Variants in LTBP1 observed in about 807,000 individuals in gnomAD.
The protein encoded by LTBP1 is latent transforming growth factor beta binding protein 1, also known as latent-transforming growth factor beta-binding protein 1.
A neutral mutation model predicts 207.6 loss-of-function variants in LTBP1; 129 were observed. The ratio of observed to expected loss-of-function variants is 0.62; its 90% CI spans 0.54 to 0.72. The LOEUF (loss-of-function observed/expected upper bound fraction) is 0.72. Among genes scored for constraint, LTBP1 ranks in the 30% least tolerant of loss-of-function variants. LTBP1 has a pLI of 0.00. For synonymous variants in LTBP1, 963 were observed against 833.7 expected (o/e 1.16, Z -2.67); for missense variants, 2,281 against 2,217.2 (o/e 1.03, Z -0.58).
intron 2 of LTBP1, among the ~76,000 whole-genome samples, chr2:32,983,154 A>G (rs777369860): frequency 3.2e-4 from 48 of 151,574 alleles, no homozygotes; most frequent in Admixed American, 1.4e-3. Flanking sequence ...CATCTCTTGT[A>G]TCAGTGTGAC....
intron 2 of LTBP1, among the ~76,000 whole-genome samples, chr2:32,988,616 T>C (rs534784507): frequency 4.6e-5 from 7 of 152,240 alleles, no homozygotes; most frequent in Non-Finnish European, 1.0e-4. Context: ...TCACACCTCA[T>C]GGAAATTGTT....
At chr2:33,084,919 C>T (rs2078662779) in intron 3 of LTBP1, among the ~76,000 whole-genome samples, 1 of 152,106 alleles carries the variant, frequency 6.6e-6, no homozygotes, top group South Asian at 2.1e-4. Context: ...TAACCCTCAT[C>T]CCCCAAAAAG....
intron 9 of LTBP1, among the ~76,000 whole-genome samples, chr2:33,224,095 G>A (rs1441238770): frequency 6.6e-6 from 1 of 152,138 alleles, no homozygotes; most frequent in Non-Finnish European, 1.5e-5. Flanking sequence ...GTGCCTATGG[G>A]CCATCTAACC....
At chr2:33,327,939 C>T (rs935093202) in intron 24 of LTBP1, among the ~76,000 whole-genome samples, 1 of 151,732 alleles carries the variant, frequency 6.6e-6, no homozygotes, top group Non-Finnish European at 1.5e-5. Flanking sequence ...AGTTCGAGAC[C>T]ACCCTGACCA....
chr2:32,949,637 G>C (rs1452469502), intron 2 of LTBP1, among the ~76,000 whole-genome samples: 1 of 152,228 alleles, frequency 6.6e-6, no homozygotes, highest in East Asian at 1.9e-4. Flanking sequence ...GGTTCTTCTT[G>C]ACGAATTGAT....
At chr2:33,159,940 G>A (rs2084312894) in intron 5 of LTBP1, among the ~76,000 whole-genome samples, 1 of 152,078 alleles carries the variant, frequency 6.6e-6, no homozygotes, top group Admixed American at 6.6e-5. Flanking sequence ...GGAGTGCAGT[G>A]GCGCAATCTC....
At chr2:33,192,897 A>G (rs1279020374) in intron 7 of LTBP1, among the ~76,000 whole-genome samples, 1 of 152,180 alleles carries the variant, frequency 6.6e-6, no homozygotes, top group Admixed American at 6.5e-5. Context: ...TTTTATAACA[A>G]GTCCACTCTG....
intron 16 of LTBP1, among the ~76,000 whole-genome samples, chr2:33,274,675 C>G (rs1014612823): frequency 1.6e-4 from 25 of 152,182 alleles, no homozygotes; most frequent in Non-Finnish European, 2.8e-4. Flanking sequence ...TTGGATGTCT[C>G]TCGTTATCAG....
At position 32,948,881 on chromosome 2, in the gene LTBP1, T is replaced by C. The variant is rs1169052086; in HGVS notation, c.501T>C (p.Asn167=). The C allele has an allele frequency of 9.3e-6, 15 of 1,614,164 alleles. No homozygotes were observed. Among genetic ancestry groups the C allele is most frequent in the Admixed American group, 1.7e-5 (1 of 60,024 alleles). ...CGATCTTGCTTTGTTTCAGGGTCAA[T>C]GTCTGTGGAGGGCGGTGCTGTCATG... ...VHQKQQLQGV[N]VCGGRCCHGW... Residue 167 remains asparagine (N), a synonymous_variant, in exon 2 of 34, where the codon AAT becomes AAC. Transcript: ENST00000404816.
chr2:33,188,975 G>C, intron 7 of LTBP1, 124 bp downstream of exon 7: 2 of 1,152,354 alleles, frequency 1.7e-6, no homozygotes, highest in Non-Finnish European at 2.4e-6. Context: ...ATGACTTGTG[G>C]CCATATTTTT....
intron 2 of LTBP1, among the ~76,000 whole-genome samples, chr2:32,975,676 A>T (rs1220933789): frequency 7.7e-6 from 1 of 130,360 alleles, no homozygotes; most frequent in Non-Finnish European, 1.5e-5. Context: ...TTCTTTCCTC[A>T]GCTTGGTTAA....
intron 24 of LTBP1, among the ~76,000 whole-genome samples, chr2:33,337,842 T>C (rs2094570709): frequency 6.6e-6 from 1 of 152,244 alleles, no homozygotes; most frequent in Non-Finnish European, 1.5e-5. Flanking sequence ...TGACTTTCAC[T>C]TGTTCGTTTA....
intron 9 of LTBP1, among the ~76,000 whole-genome samples, chr2:33,227,300 C>T (rs138528872): frequency 2.4e-4 from 37 of 152,218 alleles, no homozygotes; most frequent in African/African-American, 8.2e-4. Context: ...GTGCTGGGAT[C>T]ACAGGTGTGA....
rs1378662992 is a variant in LTBP1, at chr2:33,293,197, T to G, written c.3150T>G (p.Asn1050Lys). The change falls in exon 20 of 34, where the codon AAT becomes AAG. Residue 1050 changes from asparagine (N) to lysine (K), a missense_variant. Asn to Lys is a moderately conservative substitution (Grantham distance 94). Transcript: ENST00000404816. Reference sequence around the variant, plus strand: ...GCCTGGAACCAAACGTCTGCGCAAATGGTGATTGTTCCAACCTTGAAGGCT... The same window carrying G: ...GCCTGGAACCAAACGTCTGCGCAAAGGGTGATTGTTCCAACCTTGAAGGCT... ...DECLEPNVCA[N>K]GDCSNLEGSY... 2 of 1,613,996 alleles carry G rather than the reference T, an allele frequency of 1.2e-6. No homozygotes were observed. The highest frequency in any genetic ancestry group is 3.3e-5 in the Admixed American group (2 of 60,000).
At chr2:33,107,945 A>G (rs182482151) in intron 3 of LTBP1, among the ~76,000 whole-genome samples, 32 of 152,278 alleles carry the variant, frequency 2.1e-4, no homozygotes, top group Admixed American at 9.1e-4. Flanking sequence ...GGAAATCCCA[A>G]TTTAAATGGA....
At chr2:33,223,186 T>C (rs2091230773) in intron 9 of LTBP1, among the ~76,000 whole-genome samples, 1 of 152,232 alleles carries the variant, frequency 6.6e-6, no homozygotes, top group Admixed American at 6.5e-5. Context: ...TTTTCTCAAG[T>C]AGATTGTCTA....
At chr2:33,342,804 G>A in intron 24 of LTBP1, 34 bp from the exon 25 acceptor site, 1 of 1,607,930 alleles carries the variant, frequency 6.2e-7, no homozygotes, top group East Asian at 2.2e-5. Flanking sequence ...GCCTGTGTTT[G>A]TTTTGTGTCT....
At position 32,995,564 on chromosome 2, in the gene LTBP1, G is replaced by A. The variant is rs189801094; in HGVS notation, c.566-25345G>A. On this transcript the variant is annotated intron_variant, in intron 2 of 33. Transcript: ENST00000404816. ...TGGGAGGCCGAGGCAGGCGGATCAC[G>A]AGGTCAGGAGATCGAGACCATCCTA... 4.6e-3 allele frequency among the ~76,000 whole-genome samples: 697 copies of A among 152,244 alleles called. 3 individuals carry two copies. The highest frequency in any genetic ancestry group is 0.016 in the African/African-American group (660 of 41,540).
rs2087497032 is a variant in LTBP1 at position 33,188,762 on chromosome 2, T to C, written c.1612T>C (p.Tyr538His). Residue 538 changes from tyrosine (Y) to histidine (H), a missense_variant, in exon 7 of 34, where the codon TAC becomes CAC. Coordinates refer to ENST00000404816, the MANE Select transcript of LTBP1 (RefSeq NM_206943.4). ...VQKTQTIHST[Y>H]SHQQVIPHVY... is the part of the protein sequence containing the mutation. ...GAAGACCCAGACCATACATTCCACA[T>C]ACTCCCACCAGCAGGTCATTCCTCA... is the stretch of plus-strand genomic sequence containing the variant. 6.2e-7 allele frequency: 1 copy of C among 1,614,110 alleles called. No homozygotes were observed. Among genetic ancestry groups the C allele is most frequent in the Non-Finnish European group, 8.5e-7 (1 of 1,180,022 alleles).
Sources: gnomAD v4.1 joint callset for allele counts (sites outside exome capture counted in the v4.1 genomes callset) on GRCh38, gnomAD v4.1.1 for gene constraint, MANE v1.5 for transcripts, NCBI Gene and HGNC (gene_info 2026-07-23, HGNC 2026-07-21) for gene names.